UBE2D2: variants seen among roughly 807,000 people sequenced by gnomAD.
UBE2D2 encodes the protein ubiquitin-conjugating enzyme E2 D2.
In UBE2D2, 2 loss-of-function variants were observed where a neutral mutation model predicts 24.2. The observed-to-expected ratio is 0.08, with a 90% CI of 0.03 to 0.26. The LOEUF (loss-of-function observed/expected upper bound fraction) is 0.26. UBE2D2 is among the 10% of genes least tolerant of loss of function. The pLI, the probability that UBE2D2 is intolerant of heterozygous loss-of-function variation, is 1.00. For synonymous variants in UBE2D2, 58 were observed against 56.5 expected (o/e 1.03, Z -0.12); for missense variants, 44 against 177.6 (o/e 0.25, Z 4.28).
chr5:139,551,069 A>C (rs1041913240), intron 1 of UBE2D2, among the ~76,000 whole-genome samples: 1 of 151,666 alleles, frequency 6.6e-6, no homozygotes, highest in Non-Finnish European at 1.5e-5. Flanking sequence ...CCGGCGGGGG[A>C]GGGGGGAGGT....
chr5:139,543,414 C>T (rs1217585646), intron 1 of UBE2D2, among the ~76,000 whole-genome samples: 1 of 152,178 alleles, frequency 6.6e-6, no homozygotes, highest in Non-Finnish European at 1.5e-5. Context: ...TCTCTTTGGC[C>T]ATTCTGCCTT....
intron 5 of UBE2D2, among the ~76,000 whole-genome samples, chr5:139,617,697 A>G (rs1754444710): frequency 6.6e-6 from 1 of 152,184 alleles, no homozygotes; most frequent in African/African-American, 2.4e-5. Context: ...TCTAGATCCA[A>G]TTGCCTGTGT....
intron 1 of UBE2D2, among the ~76,000 whole-genome samples, chr5:139,588,681 T>C (rs957264836): frequency 6.6e-6 from 1 of 152,182 alleles, no homozygotes; most frequent in Middle Eastern, 3.2e-3. Flanking sequence ...AATCCAAAAA[T>C]TAAGTATTAG....
intron 1 of UBE2D2, among the ~76,000 whole-genome samples, chr5:139,527,662 T>G (rs1322912810): frequency 6.6e-6 from 1 of 152,208 alleles, no homozygotes; most frequent in African/African-American, 2.4e-5. Flanking sequence ...ATAAATTAAC[T>G]GGTTGTTTAA....
rs1561520557 is a variant in UBE2D2, at chr5:139,614,803, A to ATG, written c.198+31_198+32dup. The ATG allele has an allele frequency of 6.2e-6, 10 of 1,612,782 alleles. No homozygotes were observed. The Admixed American group carries it at 8.3e-5, about 13-fold the overall frequency. The stretch of plus-strand genomic sequence containing the variant: ...ATTAATTGGAATGTGGCAGTTTTTA[A>ATG]TGTACTTTCTATAATACTAATAAAC... On this transcript the variant is annotated intron_variant, in intron 4 of 6. Transcript: ENST00000398733.
intron 1 of UBE2D2, among the ~76,000 whole-genome samples, chr5:139,582,401 G>C (rs1257135177): frequency 6.6e-6 from 1 of 151,724 alleles, no homozygotes; most frequent in African/African-American, 2.4e-5. Flanking sequence ...AGTAGAGACG[G>C]GGTTTCACAA....
chr5:139,556,694 A>C (rs1442495237), upstream of UBE2D2, among the ~76,000 whole-genome samples: 1 of 152,232 alleles, frequency 6.6e-6, no homozygotes, highest in Non-Finnish European at 1.5e-5. Context: ...TTGCCCATTA[A>C]CCTAATAAAA....
At chr5:139,583,497 T>TA (rs1477356122) in intron 1 of UBE2D2, among the ~76,000 whole-genome samples, 3 of 152,122 alleles carry the variant, frequency 2.0e-5, no homozygotes, top group African/African-American at 7.2e-5. Flanking sequence ...TGCAGTGGCT[T>TA]ACGCCTGTAA....
intron 1 of UBE2D2, among the ~76,000 whole-genome samples, chr5:139,547,072 C>T (rs1752841397): frequency 6.6e-6 from 1 of 151,624 alleles, no homozygotes; most frequent in Non-Finnish European, 1.5e-5. Flanking sequence ...GGGCGGATCA[C>T]GAGGTCAGGA....
intron 1 of UBE2D2, 176 bp downstream of exon 1, chr5:139,561,991 G>A (rs1753110930): frequency 3.1e-6 from 3 of 977,406 alleles, no homozygotes; most frequent in East Asian, 3.1e-5. Context: ...GCCCCGGCGC[G>A]CAGCCCGCGC....
intron 1 of UBE2D2, among the ~76,000 whole-genome samples, chr5:139,564,976 G>A (rs1352606555): frequency 1.3e-5 from 2 of 151,996 alleles, no homozygotes; most frequent in African/African-American, 4.8e-5. Flanking sequence ...GACTTCCTAG[G>A]CATGGATAAG....
At chr5:139,604,928 C>T (rs897498743) in intron 2 of UBE2D2, among the ~76,000 whole-genome samples, 2 of 151,522 alleles carry the variant, frequency 1.3e-5, no homozygotes, top group African/African-American at 4.8e-5. Context: ...TGATGAACCC[C>T]ACATAAGAGT....
intron 2 of UBE2D2, among the ~76,000 whole-genome samples, chr5:139,605,712 T>C (rs1472500354): frequency 6.9e-5 from 9 of 130,468 alleles, no homozygotes; most frequent in South Asian, 5.7e-4. Context: ...CCCCTCCCTC[T>C]CTCCCTCCCT....
At chr5:139,555,193 G>A (rs1404857464) in intron 1 of UBE2D2, among the ~76,000 whole-genome samples, 1 of 151,938 alleles carries the variant, frequency 6.6e-6, no homozygotes, top group Non-Finnish European at 1.5e-5. Flanking sequence ...CTACAGGCAT[G>A]TGCCACCACA....
intron 2 of UBE2D2, among the ~76,000 whole-genome samples, chr5:139,601,852 G>T (rs1281509165): frequency 1.3e-5 from 2 of 150,918 alleles, no homozygotes; most frequent in Non-Finnish European, 2.9e-5. Context: ...AGAGGTTGCA[G>T]TGAGCTGAGA....
intron 1 of UBE2D2, among the ~76,000 whole-genome samples, chr5:139,593,475 C>A (rs993024120): frequency 2.7e-4 from 41 of 151,924 alleles, no homozygotes; most frequent in African/African-American, 9.4e-4. Flanking sequence ...TATATACATA[C>A]ATATTTTAAT....
Position 139,549,400 on chromosome 5 carries a change from G to C in UBE2D2, c.-64+22788G>C, listed in dbSNP as rs148287069. On this transcript the variant is annotated intron_variant, in intron 1 of 6. Coordinates refer to the UBE2D2 transcript ENST00000511725. ...GCATGGCACTCGAGGGCCAGCGCGAGTTCCGGGTGCGCGGGGTCTTGGCGG... is the reference window on the plus strand; with the variant it reads ...GCATGGCACTCGAGGGCCAGCGCGACTTCCGGGTGCGCGGGGTCTTGGCGG... Among the ~76,000 whole-genome samples the C allele has an allele frequency of 2.7e-3, 412 of 152,350 alleles. 2 individuals carry two copies. The highest frequency in any genetic ancestry group is 9.6e-3 in the African/African-American group (399 of 41,590).
chr5:139,592,624 A>G (rs563949267), intron 1 of UBE2D2, among the ~76,000 whole-genome samples: 192 of 121,932 alleles, frequency 1.6e-3, no homozygotes, highest in African/African-American at 6.0e-3. Context: ...TTTTTGAGAG[A>G]TGGAGTCTTG....
intron 1 of UBE2D2, among the ~76,000 whole-genome samples, chr5:139,548,276 C>T (rs1440403832): frequency 2.7e-5 from 4 of 150,820 alleles, no homozygotes; most frequent in Admixed American, 6.6e-5. Context: ...CATATATGCA[C>T]GGCCTCTCAT....
Sources: gnomAD v4.1 joint callset for allele counts (sites outside exome capture counted in the v4.1 genomes callset) on GRCh38, gnomAD v4.1.1 for gene constraint, MANE v1.5 for transcripts, NCBI Gene and HGNC (gene_info 2026-07-23, HGNC 2026-07-21) for gene names.